Variants in UBE2J2 observed in about 807,000 individuals in gnomAD.
The protein encoded by UBE2J2 is ubiquitin-conjugating enzyme E2 J2.
Under a neutral mutation model 28.6 loss-of-function variants are expected in UBE2J2, and 5 were observed. The observed-to-expected ratio is 0.17, with a 90% confidence interval of 0.09 to 0.37. UBE2J2 has a LOEUF of 0.37. Ranked by LOEUF, UBE2J2 falls within the 10% of genes least tolerant of loss-of-function variation. The pLI is 1.00. For missense variants in UBE2J2, 226 were observed against 338.9 expected (o/e 0.67, Z 2.62); for synonymous variants, 138 against 139.7 (o/e 0.99, Z 0.09).
intron 2 of UBE2J2, among the ~76,000 whole-genome samples, chr1:1,267,284 G>C (rs1483834580): frequency 7.1e-6 from 1 of 141,804 alleles, no homozygotes; most frequent in Non-Finnish European, 1.5e-5. Context: ...CTTCAGCAAG[G>C]GGGAGAGTCA....
intron 3 of UBE2J2, chr1:1,262,111 C>T (rs1211932806): frequency 3.1e-6 from 1 of 321,814 alleles, no homozygotes; most frequent in African/African-American, 2.2e-5. Context: ...CCCACCTCAG[C>T]CTCCCAAAGT....
intron 6 of UBE2J2, among the ~76,000 whole-genome samples, 165 bp downstream of exon 6, chr1:1,255,880 C>A (rs975953521): frequency 6.6e-6 from 1 of 152,272 alleles, no homozygotes; most frequent in Non-Finnish European, 1.5e-5. Context: ...GGCCACCCCC[C>A]AGAGCCCAGG....
Position 1,268,081 on chromosome 1 carries a change from C to A in UBE2J2, c.1-89G>T, listed in dbSNP as rs1639969087. 6.4e-7 allele frequency: 1 copy of A among 1,553,120 alleles called. No homozygotes were observed. Among genetic ancestry groups the A allele is most frequent in the African/African-American group, 1.4e-5 (1 of 73,578 alleles). On this transcript the variant is annotated intron_variant, in intron 1 of 6. Transcript: ENST00000349431. This position sits in a 1 kb window ranked among gnomAD's most constrained non-coding sequence, Gnocchi z 4.7. Reference sequence around the variant, plus strand: ...CGCAGCCCCACTCCCGCCTCTGCAGCCCGCCATTCATTCAGGGCCCGGTCA... The same window carrying A: ...CGCAGCCCCACTCCCGCCTCTGCAGACCGCCATTCATTCAGGGCCCGGTCA...
intron 1 of UBE2J2, among the ~76,000 whole-genome samples, chr1:1,272,507 G>A (rs1049780724): frequency 3.9e-5 from 6 of 152,208 alleles, no homozygotes; most frequent in South Asian, 2.1e-4. Flanking sequence ...CCAGGTCCAG[G>A]ACTGCCAGGG....
chr1:1,262,406 G>A (rs563380406), intron 3 of UBE2J2: 3 of 443,988 alleles, frequency 6.8e-6, no homozygotes, highest in South Asian at 4.7e-5. Flanking sequence ...CCAAAGGAGA[G>A]TCCACAGGTG....
At chr1:1,271,932 C>G (rs926591416) in intron 1 of UBE2J2, among the ~76,000 whole-genome samples, 1 of 143,208 alleles carries the variant, frequency 7.0e-6, no homozygotes, top group East Asian at 2.1e-4. Flanking sequence ...CAAGATCAAG[C>G]CATTGCACTC....
At chr1:1,256,210 G>A (rs1005527316) in intron 5 of UBE2J2, 85 bp from the exon 6 acceptor site, 1 of 1,012,606 alleles carries the variant, frequency 9.9e-7, no homozygotes, top group Admixed American at 1.9e-5. Flanking sequence ...AAAGTCAAGG[G>A]CTGCAGTCTT....
intron 3 of UBE2J2, among the ~76,000 whole-genome samples, chr1:1,261,024 A>C (rs563387670): frequency 6.6e-6 from 1 of 152,336 alleles, no homozygotes; most frequent in East Asian, 1.9e-4. Context: ...GGACGCAGCT[A>C]ATGCACAGGC....
chr1:1,270,124 G>A (rs184472647), intron 1 of UBE2J2, among the ~76,000 whole-genome samples: 62 of 152,106 alleles, frequency 4.1e-4, no homozygotes, highest in Non-Finnish European at 5.9e-4. Flanking sequence ...TTCCCCTTCC[G>A]CCATGATTGT....
intron 3 of UBE2J2, among the ~76,000 whole-genome samples, chr1:1,260,244 G>A (rs1220704344): frequency 6.6e-6 from 1 of 152,240 alleles, no homozygotes; most frequent in African/African-American, 2.4e-5. Flanking sequence ...GAAGACACAA[G>A]AGATCATAAG....
intron 2 of UBE2J2, among the ~76,000 whole-genome samples, chr1:1,266,475 G>A (rs1557563738): frequency 1.3e-5 from 2 of 151,934 alleles, no homozygotes; most frequent in African/African-American, 2.4e-5. Flanking sequence ...ACAGTGAGCC[G>A]AGATCACGCC....
Position 1,255,210 on chromosome 1 carries a change from T to C in UBE2J2, c.773A>G (p.Gln258Arg). Residue 258 changes from glutamine to arginine, a missense_variant, in exon 7 of 7, where the codon CAG becomes CGG. This residue lies in a region of UBE2J2 where 133 missense variants were observed against 161.5 expected (regional missense o/e 0.82). Transcript: ENST00000349431. The stretch of plus-strand genomic sequence containing the variant: ...GGTCTCGGCGCCTGGGCCTCACTCC[T>C]GCGCGATGCTCCTCAGCACGTACTT... ...TVKYVLRSIA[Q>R]E 1 of 1,594,918 alleles carries C rather than the reference T, an allele frequency of 6.3e-7. No homozygotes were observed. The highest frequency in any genetic ancestry group is 1.1e-5 in the South Asian group (1 of 89,160).
chr1:1,269,346 G>C (rs1363246931), intron 1 of UBE2J2, among the ~76,000 whole-genome samples: 1 of 151,418 alleles, frequency 6.6e-6, no homozygotes, highest in Non-Finnish European at 1.5e-5. Flanking sequence ...TCATGCAAGA[G>C]AGGAGGCTGG....
chr1:1,258,716 C>G (rs1639354859), intron 3 of UBE2J2, among the ~76,000 whole-genome samples: 1 of 152,250 alleles, frequency 6.6e-6, no homozygotes, highest in Non-Finnish European at 1.5e-5. Flanking sequence ...GCAACTCCAT[C>G]CTCCTGGTAT....
rs561907370 is a variant in UBE2J2, at chr1:1,265,730, C to T, written c.131+2132G>A. Among the ~76,000 whole-genome samples the T allele has an allele frequency of 4.6e-5, 7 of 151,784 alleles. No individual in the cohort carries two copies. In the South Asian group the frequency reaches 1.5e-3, roughly 32 times the overall value. Reference sequence around the variant, plus strand: ...GCAACCTCCGCTTCCCGGGTTCAAGCGATTCTCCTGCCTCACCCTCCCAAG... The same window carrying T: ...GCAACCTCCGCTTCCCGGGTTCAAGTGATTCTCCTGCCTCACCCTCCCAAG... On this transcript the variant is annotated intron_variant, in intron 2 of 6. Transcript: ENST00000349431.
intron 1 of UBE2J2, among the ~76,000 whole-genome samples, chr1:1,269,817 C>G (rs1361862726): frequency 6.6e-6 from 1 of 152,154 alleles, no homozygotes; most frequent in Non-Finnish European, 1.5e-5. Flanking sequence ...CGATAACGGA[C>G]AGTGACCAGT....
chr1:1,255,426 A>C lies in UBE2J2; in HGVS notation c.557T>G (p.Leu186Trp). ...CTCCCCGTCTGGAACCACGTCTGGC[A>C]AGGGGAGAGTCTGGGGTCTGCTACT... ...ELSSRPQTLP[L>W]PDVVPDGETH... The change falls in exon 7 of 7, where the codon TTG becomes TGG. Residue 186 changes from leucine to tryptophan, a missense_variant. By Grantham distance (61) the Leu-to-Trp change is moderately conservative. Transcript: ENST00000349431. 1 of 1,613,850 alleles carries C rather than the reference A, an allele frequency of 6.2e-7. No homozygotes were observed. The highest frequency in any genetic ancestry group is 8.5e-7 in the Non-Finnish European group (1 of 1,179,998).
intron 1 of UBE2J2, among the ~76,000 whole-genome samples, chr1:1,270,162 C>A (rs1439000249): frequency 6.6e-6 from 1 of 152,156 alleles, no homozygotes; most frequent in African/African-American, 2.4e-5. Flanking sequence ...CCTGGCCACA[C>A]GGAACTGTGA....
intron 2 of UBE2J2, among the ~76,000 whole-genome samples, chr1:1,263,860 G>C (rs903419802): frequency 2.0e-5 from 3 of 151,786 alleles, no homozygotes; most frequent in African/African-American, 7.3e-5. Flanking sequence ...GGGTGTGGTA[G>C]TGCATGCCTG....
Sources: gnomAD v4.1 joint callset for allele counts (sites outside exome capture counted in the v4.1 genomes callset) on GRCh38, gnomAD v4.1.1 for gene constraint, gnomAD v4.1.1 regional missense constraint, Gnocchi (gnomAD v3.1) non-coding constraint, MANE v1.5 for transcripts, NCBI Gene and HGNC (gene_info 2026-07-23, HGNC 2026-07-21) for gene names.